The following CFAP141 variants were observed in gnomAD, a reference collection of about 807,000 sequenced individuals.
CFAP141 encodes the protein cilia and flagella associated protein 141, also known as cilia- and flagella-associated protein 141.
chr1:154,205,696 G>A, the CFAP141 span: 6 of 1,487,344 alleles, frequency 4.0e-6, no homozygotes, highest in Non-Finnish European at 5.6e-6. Flanking sequence ...CTATTCTAAT[G>A]AGAGACATAG....
At chr1:154,205,576 G>A in the CFAP141 span, 4 of 1,611,452 alleles carry the variant, frequency 2.5e-6, no homozygotes, top group Admixed American at 6.7e-5. Flanking sequence ...AAAGGTAAAG[G>A]GAGGGGATAG....
the CFAP141 span, chr1:154,200,695 T>C: frequency 2.5e-4 from 320 of 1,292,944 alleles, 2 homozygotes; most frequent in African/African-American, 4.1e-3. Flanking sequence ...CTTTTCTTTT[T>C]TTTTGAGACA....
At chr1:154,199,552 T>A in the CFAP141 span, 1 of 1,451,984 alleles carries the variant, frequency 6.9e-7, no homozygotes, top group South Asian at 1.2e-5. Context: ...CAGAATAGAG[T>A]GTGTTGTTTG....
the CFAP141 span, chr1:154,200,582 T>C: frequency 7.4e-6 from 12 of 1,614,060 alleles, no homozygotes; most frequent in Non-Finnish European, 1.0e-5. Context: ...TATGTGAATT[T>C]CGCCACCTGC....
At chr1:154,202,879 G>A in the CFAP141 span, among the ~76,000 whole-genome samples, 7 of 151,672 alleles carry the variant, frequency 4.6e-5, no homozygotes, top group South Asian at 2.1e-4. Context: ...CCAGCACTTC[G>A]GGAGGCTGAG....
At chr1:154,201,329 G>A in the CFAP141 span, among the ~76,000 whole-genome samples, 1 of 149,828 alleles carries the variant, frequency 6.7e-6, no homozygotes, top group Non-Finnish European at 1.5e-5. Flanking sequence ...TACAGGTAAG[G>A]AAACTAAAAG....
the CFAP141 span, among the ~76,000 whole-genome samples, chr1:154,202,125 C>A: frequency 1.3e-5 from 2 of 151,690 alleles, no homozygotes; most frequent in Non-Finnish European, 2.9e-5. Flanking sequence ...TTAGTAGAGA[C>A]AGAGGTTTCA....
At chr1:154,205,866 G>A in the CFAP141 span, among the ~76,000 whole-genome samples, 4 of 152,084 alleles carry the variant, frequency 2.6e-5, no homozygotes, top group South Asian at 6.2e-4. Flanking sequence ...ACCATGCCGG[G>A]CTAATTTTGT....
At chr1:154,199,547 TAGA>T in the CFAP141 span, 1 of 1,518,132 alleles carries the variant, frequency 6.6e-7, no homozygotes, top group Non-Finnish European at 9.0e-7. Context: ...GAGGGCAGAA[TAGA>T]GTGTGTTGTT....
the CFAP141 span, chr1:154,199,623 T>C: frequency 5.9e-6 from 5 of 840,566 alleles, no homozygotes; most frequent in East Asian, 1.3e-4. Context: ...ATTTGTGTTC[T>C]CTTGGAGCTG....
chr1:154,203,234 T>TATATATAC, the CFAP141 span, among the ~76,000 whole-genome samples: 1 of 78,306 alleles, frequency 1.3e-5, no homozygotes, highest in African/African-American at 4.9e-5. Context: ...TATATATATA[T>TATATATAC]ACTTTGTTGG....
chr1:154,205,603 G>A, the CFAP141 span: 143,103 of 1,612,636 alleles, frequency 0.089, 7,418 homozygotes, highest in Middle Eastern at 0.15. Flanking sequence ...ATTACCTGTC[G>A]ACCGTCTTCT....
At chr1:154,199,373 G>A in the CFAP141 span, 2 of 1,256,680 alleles carry the variant, frequency 1.6e-6, no homozygotes, top group African/African-American at 1.5e-5. Flanking sequence ...AGAGGTTCTA[G>A]AAGGCTAGGT....
the CFAP141 span, chr1:154,206,332 C>T: frequency 6.2e-7 from 1 of 1,611,780 alleles, no homozygotes; most frequent in Non-Finnish European, 8.5e-7. Context: ...TTGATACAGT[C>T]TGAGGAGACT....
At chr1:154,205,703 A>G in the CFAP141 span, 5 of 1,455,202 alleles carry the variant, frequency 3.4e-6, no homozygotes, top group Non-Finnish European at 4.8e-6. Context: ...AATGAGAGAC[A>G]TAGACCTTTT....
the CFAP141 span, among the ~76,000 whole-genome samples, chr1:154,204,871 G>GTTTT: frequency 2.2e-5 from 3 of 133,886 alleles, no homozygotes; most frequent in South Asian, 2.4e-4. Flanking sequence ...TTGCATCAGT[G>GTTTT]TTTTTTTTTT....
At chr1:154,206,239 A>G in the CFAP141 span, 6 of 1,608,282 alleles carry the variant, frequency 3.7e-6, no homozygotes, top group Non-Finnish European at 5.1e-6. Context: ...AACTTCATCA[A>G]ACTTCAACCC....
chr1:154,202,784 G>C, the CFAP141 span, among the ~76,000 whole-genome samples: 1 of 150,114 alleles, frequency 6.7e-6, no homozygotes, highest in Non-Finnish European at 1.5e-5. Context: ...CTGGGCGACA[G>C]AGCAAGACTC....
At chr1:154,201,550 G>A in the CFAP141 span, among the ~76,000 whole-genome samples, 1 of 151,990 alleles carries the variant, frequency 6.6e-6, no homozygotes, top group Admixed American at 6.6e-5. Context: ...ACCACACCTG[G>A]CTAATTTTTG....
Sources: allele counts gnomAD v4.1 joint callset (sites outside exome capture counted in the v4.1 genomes callset), GRCh38; gene constraint gnomAD v4.1.1; transcripts MANE v1.5; gene names NCBI Gene and HGNC (gene_info 2026-07-23, HGNC 2026-07-21).